The following ERAP1 variants were observed in gnomAD, a reference collection of about 807,000 sequenced individuals.
The protein encoded by ERAP1 is adipocyte-derived leucine aminopeptidase.
In ERAP1, 86 loss-of-function variants were observed where a neutral mutation model predicts 103.7. The observed-to-expected ratio is 0.83, with a 90% CI of 0.70 to 0.99. The LOEUF (loss-of-function observed/expected upper bound fraction) is 0.99. ERAP1 is among the 50% of genes least tolerant of loss of function. ERAP1 has a pLI of 0.00. For missense variants in ERAP1, 1,009 were observed against 1,128.4 expected (o/e 0.89, Z 1.52); for synonymous variants, 398 against 402.4 (o/e 0.99, Z 0.13).
At chr5:96,808,661 C>T (rs377736061), upstream of ERAP1, among the ~76,000 whole-genome samples, 30 of 152,184 alleles carry the variant, frequency 2.0e-4, no homozygotes, top group African/African-American at 6.5e-4. Flanking sequence ...CGCATCAACA[C>T]GTTCCCTCTG....
intron 14 of ERAP1, 70 bp downstream of exon 14, chr5:96,783,854 C>G: frequency 2.7e-6 from 1 of 376,492 alleles, no homozygotes; most frequent in African/African-American, 8.1e-5. Context: ...CACACACACA[C>G]ATACACACAC....
At chr5:96,878,249 T>C in the ERAP1 span, among the ~76,000 whole-genome samples, 1 of 152,170 alleles carries the variant, frequency 6.6e-6, no homozygotes, top group Non-Finnish European at 1.5e-5. Context: ...TGTAAGAATA[T>C]TATAAACTCA....
intron 3 of ERAP1, among the ~76,000 whole-genome samples, chr5:96,799,250 C>T (rs1171461616): frequency 6.6e-6 from 1 of 152,078 alleles, no homozygotes; most frequent in African/African-American, 2.4e-5. Context: ...TTAATTTCTG[C>T]CCCATGCCCA....
chr5:96,902,176 G>T, the ERAP1 span: 2 of 751,566 alleles, frequency 2.7e-6, no homozygotes, highest in East Asian at 2.6e-5. Flanking sequence ...AAGGATGATG[G>T]GTACTTAGGT....
At chr5:96,874,178 G>GAAAT in the ERAP1 span, among the ~76,000 whole-genome samples, 1 of 63,018 alleles carries the variant, frequency 1.6e-5, no homozygotes, top group Non-Finnish European at 3.2e-5. Context: ...AAGAAAGAAA[G>GAAAT]AAAGAGAGAG....
rs1419330756 is a variant in ERAP1, at chr5:96,774,559, A to G, written c.*1837T>C. 1 of 985,690 alleles carries G rather than the reference A, an allele frequency of 1.0e-6. No homozygotes were observed. Among genetic ancestry groups the G allele is most frequent in the African/African-American group, 1.7e-5 (1 of 57,246 alleles). The allele number at this position is 985,690 out of a possible 1,614,324, so 61.1% of individuals were successfully genotyped here. A position where few individuals can be genotyped will look rare whatever the true frequency, so the allele number is the denominator to read the frequency against. ...TGTGGCAATATTGTATCTGTTTAGA[A>G]AATGGGCTTTTCCAAAAGCAAACAA... On this transcript the variant is annotated 3_prime_UTR_variant, in exon 19 of 19. Transcript: ENST00000443439.
At chr5:96,821,794 A>G in the ERAP1 span, among the ~76,000 whole-genome samples, 3 of 152,232 alleles carry the variant, frequency 2.0e-5, no homozygotes, top group Non-Finnish European at 4.4e-5. Flanking sequence ...GATATCCTCA[A>G]TATAAACTAG....
chr5:96,812,729 A>T (rs1037611497), upstream of ERAP1, among the ~76,000 whole-genome samples: 1 of 152,238 alleles, frequency 6.6e-6, no homozygotes, highest in African/African-American at 2.4e-5. Context: ...TATGATACAA[A>T]GGAGAAAAGG....
chr5:96,802,237 C>A lies in ERAP1; in HGVS notation c.524+1166G>T, dbSNP rs114639432. Among the ~76,000 whole-genome samples the A allele has an allele frequency of 5.1e-3, 770 of 151,894 alleles. 5 individuals carry two copies. The highest frequency in any genetic ancestry group is 0.018 in the African/African-American group (736 of 41,398). On this transcript the variant is annotated intron_variant, in intron 2 of 18. Coordinates refer to ENST00000443439, the MANE Select transcript of ERAP1 (RefSeq NM_001040458.3). ...TTGGAAACAATTTCATTTCCATTCC[C>A]GAGGGATTAAAGATATTAATGTACA...
downstream of ERAP1, chr5:96,770,738 C>G (rs760206066): frequency 1.7e-6 from 1 of 590,944 alleles, no homozygotes; most frequent in East Asian, 2.8e-5. Context: ...CCCATAGCAT[C>G]GCTTGGTAAA....
chr5:96,909,515 A>G, the ERAP1 span: 1 of 1,299,352 alleles, frequency 7.7e-7, no homozygotes, highest in East Asian at 2.3e-5. Flanking sequence ...AGCCCTTTAG[A>G]TGGGCAAGAA....
chr5:96,837,347 C>T, the ERAP1 span, among the ~76,000 whole-genome samples: 3 of 152,190 alleles, frequency 2.0e-5, no homozygotes, highest in Non-Finnish European at 4.4e-5. Flanking sequence ...CAGAACACAA[C>T]AGCAAACAAA....
In ERAP1 at chr5:96,774,541, A is replaced by G. The variant is rs552348011; in HGVS notation, c.*1855T>C. On this transcript the variant is annotated 3_prime_UTR_variant, in exon 19 of 19. Coordinates refer to ENST00000443439, the MANE Select transcript of ERAP1 (RefSeq NM_001040458.3). Reference sequence around the variant, plus strand: ...AAGGTTTCTGCACATTGTTGTGGCAATATTGTATCTGTTTAGAAAATGGGC... The same window carrying G: ...AAGGTTTCTGCACATTGTTGTGGCAGTATTGTATCTGTTTAGAAAATGGGC... 1.1e-4 allele frequency: 109 copies of G among 985,990 alleles called. No homozygotes were observed. Among genetic ancestry groups the G allele is most frequent in the Non-Finnish European group, 1.3e-4 (107 of 829,882 alleles). The allele number at this position is 985,990 out of a possible 1,614,324, so 61.1% of individuals were successfully genotyped here.
the ERAP1 span, chr5:96,909,459 C>A: frequency 3.9e-6 from 3 of 768,928 alleles, no homozygotes; most frequent in South Asian, 1.8e-5. Flanking sequence ...TACGAAGATA[C>A]ACTGTTTGGG....
intron 7 of ERAP1, 69 bp downstream of exon 7, chr5:96,793,331 A>G (rs1175846154): frequency 3.8e-6 from 4 of 1,045,294 alleles, no homozygotes; most frequent in Non-Finnish European, 1.5e-6. Context: ...AAGATTAGTG[A>G]ATATTTTCCA....
chr5:96,773,839 A>G (rs1262864267), downstream of ERAP1: 1 of 152,328 alleles, frequency 6.6e-6, no homozygotes, highest in African/African-American at 2.4e-5. Context: ...ATTGTTTCCA[A>G]AGGGCATGGC....
the ERAP1 span, among the ~76,000 whole-genome samples, chr5:96,906,331 A>G: frequency 6.6e-6 from 1 of 151,908 alleles, no homozygotes; most frequent in East Asian, 1.9e-4. Flanking sequence ...CAGTGGTGCG[A>G]TCATGGCTCA....
In ERAP1 at chr5:96,801,096, T is replaced by C. The variant is rs935160856; in HGVS notation, c.525-96A>G. The C allele has an allele frequency of 2.2e-6, 3 of 1,368,312 alleles. No individual in the cohort carries two copies. The African/African-American group carries it at 4.3e-5, about 20-fold the overall frequency. 84.8% of individuals were successfully genotyped at this position (1,368,312 alleles called of 1,614,324 possible). ...TTAATTCCTAAAGTTACTATAAGAT[T>C]GATGGATTTTGCTACTAAAAAATAT... On this transcript the variant is annotated intron_variant, in intron 2 of 18. Transcript: ENST00000443439.
chr5:96,896,446 A>G, the ERAP1 span: 23 of 1,613,594 alleles, frequency 1.4e-5, no homozygotes, highest in East Asian at 5.1e-4. Context: ...CCTATCTCCA[A>G]ACCAGCGGAA....
Sources: allele counts gnomAD v4.1 joint callset (sites outside exome capture counted in the v4.1 genomes callset), GRCh38; gene constraint gnomAD v4.1.1; transcripts MANE v1.5; gene names NCBI Gene and HGNC (gene_info 2026-07-23, HGNC 2026-07-21).